The following CHST11 variants were observed in gnomAD, a reference collection of about 807,000 sequenced individuals.
The protein encoded by CHST11 is carbohydrate sulfotransferase 11.
CHST11 carries 9 observed loss-of-function variants against 30.4 expected under a neutral mutation model. That is an observed-to-expected ratio of 0.30 (90% CI 0.18 to 0.52). CHST11 has a LOEUF of 0.52. Ranked by LOEUF, CHST11 falls within the 20% of genes least tolerant of loss-of-function variation. CHST11 has a pLI of 0.97. For missense variants in CHST11, 348 were observed against 460.6 expected (o/e 0.76, Z 2.24); for synonymous variants, 152 against 187.8 (o/e 0.81, Z 1.56).
chr12:104,740,262 A>G (rs1356871312), intron 2 of CHST11, among the ~76,000 whole-genome samples: 1 of 152,180 alleles, frequency 6.6e-6, no homozygotes, highest in African/African-American at 2.4e-5. Context: ...TTAGTTTTAT[A>G]ATTTCCATTG....
At chr12:104,558,854 C>G (rs57950393) in intron 1 of CHST11, among the ~76,000 whole-genome samples, 1 of 151,980 alleles carries the variant, frequency 6.6e-6, no homozygotes, top group Non-Finnish European at 1.5e-5. Context: ...ATTTTTAATT[C>G]TAAGTCCTCG....
At chr12:104,526,034 T>G (rs1438348925) in intron 1 of CHST11, among the ~76,000 whole-genome samples, 2 of 152,180 alleles carry the variant, frequency 1.3e-5, no homozygotes, top group African/African-American at 4.8e-5. Context: ...TAGCATGTCT[T>G]TTCGGCAGAC....
intron 2 of CHST11, among the ~76,000 whole-genome samples, chr12:104,606,948 A>G (rs1035263557): frequency 6.6e-6 from 1 of 152,074 alleles, no homozygotes; most frequent in Admixed American, 6.6e-5. Context: ...CGTGCCTGTA[A>G]TCTCAGCTAC....
intron 1 of CHST11, among the ~76,000 whole-genome samples, chr12:104,576,611 A>G (rs1188234960): frequency 1.3e-5 from 2 of 152,162 alleles, no homozygotes; most frequent in Non-Finnish European, 2.9e-5. Context: ...AAGAGCTGGG[A>G]GCACCTCCCA....
At chr12:104,628,542 C>T (rs1016176103) in intron 2 of CHST11, among the ~76,000 whole-genome samples, 3 of 152,186 alleles carry the variant, frequency 2.0e-5, no homozygotes, top group Non-Finnish European at 4.4e-5. Flanking sequence ...TCCAGGGTAA[C>T]GTGGCGTTGA....
intron 1 of CHST11, among the ~76,000 whole-genome samples, chr12:104,482,850 C>G (rs193250938): frequency 6.6e-6 from 1 of 152,098 alleles, no homozygotes; most frequent in Non-Finnish European, 1.5e-5. Context: ...TTAAAAATGT[C>G]CCCACTTCTT....
chr12:104,714,769 C>A (rs1450215545), intron 2 of CHST11, among the ~76,000 whole-genome samples: 1 of 152,082 alleles, frequency 6.6e-6, no homozygotes, highest in Non-Finnish European at 1.5e-5. Flanking sequence ...TACCTGGGTT[C>A]CAAATCTGGG....
At chr12:104,642,117 G>C (rs1378045340) in intron 2 of CHST11, among the ~76,000 whole-genome samples, 1 of 152,146 alleles carries the variant, frequency 6.6e-6, no homozygotes, top group African/African-American at 2.4e-5. Flanking sequence ...CCCAAATGAG[G>C]AACTGGGTAG....
intron 2 of CHST11, among the ~76,000 whole-genome samples, chr12:104,730,059 G>A (rs904456782): frequency 4.6e-5 from 7 of 152,328 alleles, no homozygotes; most frequent in East Asian, 1.9e-4. Context: ...TCAGCTGACA[G>A]CGGAGCTACA....
intron 1 of CHST11, among the ~76,000 whole-genome samples, chr12:104,484,813 G>A (rs559355325): frequency 8.5e-5 from 13 of 152,328 alleles, no homozygotes; most frequent in East Asian, 5.8e-4. Flanking sequence ...GTGGGATGGC[G>A]GTAGTGGTCA....
In CHST11 at chr12:104,726,402, C is replaced by A. The variant is rs189063872; in HGVS notation, c.205-30547C>A. Among the ~76,000 whole-genome samples the A allele has an allele frequency of 7.2e-4, 110 of 152,252 alleles. 1 individual carries two copies. Among genetic ancestry groups the A allele is most frequent in the Admixed American group, 4.3e-3 (66 of 15,286 alleles). On this transcript the variant is annotated intron_variant, in intron 2 of 2. Transcript: ENST00000303694. ...ATATTCAAAGAGAAAAACAAAGCAG[C>A]TGAATTAAAATGAAAAACTAAGGGG...
At chr12:104,610,562 C>T (rs1352191410) in intron 2 of CHST11, among the ~76,000 whole-genome samples, 5 of 152,190 alleles carry the variant, frequency 3.3e-5, no homozygotes, top group Non-Finnish European at 5.9e-5. Context: ...CCTGAATTAC[C>T]CTCAATTATA....
intron 1 of CHST11, among the ~76,000 whole-genome samples, chr12:104,563,021 G>GTT (rs142235903): frequency 2.6e-5 from 4 of 151,766 alleles, no homozygotes; most frequent in African/African-American, 9.7e-5. Flanking sequence ...TTGTGAAGTG[G>GTT]TTTTTTTTGT....
In CHST11 at chr12:104,644,557, A is replaced by C. The variant is rs1488314125; in HGVS notation, c.204+42566A>C. ...TGCCTGGGCATCCTGCCAAGCCAGC[A>C]TGCCCTCTTTCTAGGGGAGCTTTCC... On this transcript the variant is annotated intron_variant, in intron 2 of 2. Transcript: ENST00000303694. Among the ~76,000 whole-genome samples, 5 of 152,262 alleles carry C rather than the reference A, an allele frequency of 3.3e-5. No individual in the cohort carries two copies. In the East Asian group the frequency reaches 9.6e-4, roughly 29 times the overall value.
intron 2 of CHST11, among the ~76,000 whole-genome samples, chr12:104,667,077 T>C (rs1156651867): frequency 2.0e-5 from 3 of 152,244 alleles, no homozygotes; most frequent in Non-Finnish European, 4.4e-5. Flanking sequence ...ACAGAACTTA[T>C]GTTAAATGAT....
intron 1 of CHST11, among the ~76,000 whole-genome samples, chr12:104,498,472 T>G (rs2037821933): frequency 6.6e-6 from 1 of 152,132 alleles, no homozygotes; most frequent in South Asian, 2.1e-4. Flanking sequence ...AAACTGTCAG[T>G]GGGGCTTAAC....
At chr12:104,737,784 G>T (rs1024512252) in intron 2 of CHST11, among the ~76,000 whole-genome samples, 1 of 152,200 alleles carries the variant, frequency 6.6e-6, no homozygotes, top group Admixed American at 6.5e-5. Flanking sequence ...CAGTTTTGCA[G>T]GGAGGGCCTG....
At chr12:104,513,981 T>C (rs2037995738) in intron 1 of CHST11, 2 of 683,140 alleles carry the variant, frequency 2.9e-6, no homozygotes, top group African/African-American at 1.8e-5. Context: ...GGGCGAGTGC[T>C]GTGGGCTTAG....
chr12:104,572,118 G>A (rs1278627995), intron 1 of CHST11, among the ~76,000 whole-genome samples: 2 of 150,744 alleles, frequency 1.3e-5, no homozygotes, highest in Middle Eastern at 3.4e-3. Flanking sequence ...CGGTTTGCCA[G>A]TATTTTATTG....
Sources: allele counts gnomAD v4.1 joint callset (sites outside exome capture counted in the v4.1 genomes callset), GRCh38; gene constraint gnomAD v4.1.1; transcripts MANE v1.5; gene names NCBI Gene and HGNC (gene_info 2026-07-23, HGNC 2026-07-21).